Variants in GSTO2 observed in about 807,000 individuals in gnomAD.
GSTO2 encodes the protein glutathione S-transferase omega-2.
Under a neutral mutation model 28.4 loss-of-function variants are expected in GSTO2, and 23 were observed. The ratio of observed to expected loss-of-function variants is 0.81; its 90% CI spans 0.58 to 1.15. The LOEUF (loss-of-function observed/expected upper bound fraction) is 1.15, where lower values mean the gene tolerates loss of function less well. GSTO2 is among the 50% of genes most tolerant of loss of function. The pLI is 0.00. For missense variants in GSTO2, 298 were observed against 297.8 expected (o/e 1.00, Z 0.00); for synonymous variants, 109 against 111.0 (o/e 0.98, Z 0.11).
At chr10:104,293,446 A>G (rs1488744097) in intron 5 of GSTO2, among the ~76,000 whole-genome samples, 1 of 151,858 alleles carries the variant, frequency 6.6e-6, no homozygotes, top group Non-Finnish European at 1.5e-5. Flanking sequence ...TATTTATTTT[A>G]AGATGGGGTC....
At chr10:104,291,283 CCA>C (rs2012752550) in intron 5 of GSTO2, 1 of 152,228 alleles carries the variant, frequency 6.6e-6, no homozygotes, top group Admixed American at 6.5e-5. Context: ...CTGGGAGCCA[CCA>C]CACTGTTTCG....
chr10:104,283,204 A>C (rs1213930064), intron 5 of GSTO2, among the ~76,000 whole-genome samples: 1 of 152,224 alleles, frequency 6.6e-6, no homozygotes, highest in African/African-American at 2.4e-5. Context: ...ACCAGCCTCT[A>C]TATAGGTAGC....
intron 5 of GSTO2, 56 bp downstream of exon 5, chr10:104,279,527 C>T (rs888331878): frequency 9.7e-6 from 12 of 1,236,706 alleles, no homozygotes; most frequent in Admixed American, 1.7e-5. Context: ...TAGGCAGGGT[C>T]GCTAACCTGG....
chr10:104,272,587 CTTTTTTTTTTTTTTTTTTTTTTTT>C lies in GSTO2; in HGVS notation c.-231-2077_-231-2054del, dbSNP rs768279768. 2.4e-3 allele frequency among the ~76,000 whole-genome samples: 120 copies of C among 49,308 alleles called. 1 individual carries two copies. The highest frequency in any genetic ancestry group is 4.1e-3 in the South Asian group (5 of 1,218). 32.3% of individuals were successfully genotyped at this position (49,308 alleles called of 152,430 possible). ...GAATCAAAATAGAACAGTTATGGGACTTTTTTTTTTTTTTTTTTTTTTTTTTTTTTTTTTTTTTTTTTTTGAGAC... is the reference window on the plus strand; with the variant it reads ...GAATCAAAATAGAACAGTTATGGGACTTTTTTTTTTTTTTTTTTTTGAGAC... On this transcript the variant is annotated intron_variant, in intron 1 of 6. Transcript: ENST00000338595.
chr10:104,287,821 T>A (rs115180531), intron 5 of GSTO2, among the ~76,000 whole-genome samples: 2,391 of 150,942 alleles, frequency 0.016, 58 homozygotes, highest in African/African-American at 0.055. Flanking sequence ...TGTGTTTGAT[T>A]TTTTTTTTAA....
At chr10:104,291,809 T>C (rs1283978019) in intron 5 of GSTO2, among the ~76,000 whole-genome samples, 2 of 152,220 alleles carry the variant, frequency 1.3e-5, no homozygotes, top group African/African-American at 2.4e-5. Context: ...AATTTTAAAA[T>C]AGATTTTTCT....
chr10:104,275,272 C>T lies in GSTO2; in HGVS notation c.81C>T (p.Tyr27=), dbSNP rs1252537534. The change falls in exon 3 of 7, where the codon TAC becomes TAT. Residue 27 remains tyrosine (Y), a synonymous_variant. Coordinates refer to ENST00000338595, the MANE Select transcript of GSTO2 (RefSeq NM_183239.2). The stretch of plus-strand genomic sequence containing the variant: ...TCCCGGAGGGGCTGATCCGCATCTA[C>T]AGCATGAGGTTCTGCCCCTATTCTC... ...GPVPEGLIRI[Y]SMRFCPYSHR... 4 of 1,613,976 alleles carry T rather than the reference C, an allele frequency of 2.5e-6. No homozygotes were observed. The highest frequency in any genetic ancestry group is 2.7e-5 in the African/African-American group (2 of 74,906).
intron 5 of GSTO2, among the ~76,000 whole-genome samples, chr10:104,284,825 C>T (rs900050145): frequency 7.2e-5 from 11 of 152,164 alleles, no homozygotes; most frequent in Non-Finnish European, 1.0e-4. Flanking sequence ...GGTCAGATTT[C>T]CTTGAGGCTT....
chr10:104,299,305 G>T lies in GSTO2; in HGVS notation c.*21G>T. ...GCTGAGTCTCACTGTCCACCCCTTCGCTGTCCAGAATTCCCCAGCTTGTTG... is the reference window on the plus strand; with the variant it reads ...GCTGAGTCTCACTGTCCACCCCTTCTCTGTCCAGAATTCCCCAGCTTGTTG... On this transcript the variant is annotated 3_prime_UTR_variant, in exon 7 of 7. Coordinates refer to ENST00000338595, the MANE Select transcript of GSTO2 (RefSeq NM_183239.2). 1 of 1,613,164 alleles carries T rather than the reference G, an allele frequency of 6.2e-7. No homozygotes were observed. The highest frequency in any genetic ancestry group is 8.5e-7 in the Non-Finnish European group (1 of 1,179,630).
rs565263141 is a variant in GSTO2 at position 104,271,813 on chromosome 10, T to C, written c.-232+2544T>C. ...GGAAAATCATCCTCTTCTGGCAAAG[T>C]AGAAAGGTGGATCCAGGAACCTTTT... On this transcript the variant is annotated intron_variant, in intron 1 of 6. Coordinates refer to ENST00000338595, the MANE Select transcript of GSTO2 (RefSeq NM_183239.2). Among the ~76,000 whole-genome samples the C allele has an allele frequency of 3.3e-5, 5 of 152,324 alleles. No individual in the cohort carries two copies. The South Asian group carries it at 1.0e-3, about 32-fold the overall frequency.
chr10:104,287,090 G>A (rs1380238403), intron 5 of GSTO2, among the ~76,000 whole-genome samples: 1 of 152,178 alleles, frequency 6.6e-6, no homozygotes, highest in Non-Finnish European at 1.5e-5. Flanking sequence ...GTTTTACTCT[G>A]TTGCCCAGGC....
At chr10:104,286,514 T>A (rs1187400327) in intron 5 of GSTO2, among the ~76,000 whole-genome samples, 1 of 152,254 alleles carries the variant, frequency 6.6e-6, no homozygotes, top group Non-Finnish European at 1.5e-5. Flanking sequence ...ATGGATAATG[T>A]TGCTGTGAAC....
Position 104,302,148 on chromosome 10 carries a change from A to C in GSTO2, c.*2864A>C, listed in dbSNP as rs1260993887. The C allele has an allele frequency of 6.6e-6, 1 of 152,182 alleles. No homozygotes were observed. The highest frequency in any genetic ancestry group is 1.5e-5 in the Non-Finnish European group (1 of 68,040). The allele number at this position is 152,182 out of a possible 1,614,324, so 9.4% of individuals were successfully genotyped here. On this transcript the variant is annotated 3_prime_UTR_variant, in exon 7 of 7. Transcript: ENST00000338595. ...GAAAAACTCCTTATAAAACCATTAG[A>C]TCTCATGAGAACTCACTCACTGTCA...
intron 1 of GSTO2, among the ~76,000 whole-genome samples, chr10:104,273,816 A>G (rs11191985): frequency 0.074 from 11,276 of 152,226 alleles, 1,404 homozygotes; most frequent in African/African-American, 0.26. Flanking sequence ...TGAAAAGTAG[A>G]AATAATATGA....
chr10:104,282,191 A>G (rs1409858033), intron 5 of GSTO2, among the ~76,000 whole-genome samples: 4 of 145,858 alleles, frequency 2.7e-5, no homozygotes, highest in African/African-American at 1.0e-4. Context: ...GCGCCACTGC[A>G]CTCCAGCCTG....
At chr10:104,272,777 C>A (rs902750895) in intron 1 of GSTO2, among the ~76,000 whole-genome samples, 14 of 151,846 alleles carry the variant, frequency 9.2e-5, no homozygotes, top group Admixed American at 2.0e-4. Context: ...CCGCGCCCGG[C>A]TAATTTTTGT....
chr10:104,269,591 C>T (rs1295894030), intron 1 of GSTO2, among the ~76,000 whole-genome samples: 7 of 152,168 alleles, frequency 4.6e-5, no homozygotes, highest in Admixed American at 4.6e-4. Flanking sequence ...TGGGACACCA[C>T]GAGTCCCACG....
intron 3 of GSTO2, among the ~76,000 whole-genome samples, chr10:104,276,620 T>C (rs555778691): frequency 1.3e-5 from 2 of 152,294 alleles, no homozygotes; most frequent in South Asian, 2.1e-4. Context: ...AAAAATCACT[T>C]CTAGTCGAGA....
Position 104,293,563 on chromosome 10 carries a change from ATT to A in GSTO2, c.469-3994_469-3993del, listed in dbSNP as rs397787244. On this transcript the variant is annotated intron_variant, in intron 5 of 6. Transcript: ENST00000338595. Reference sequence around the variant, plus strand: ...AGGCATGAGCCACTGCGCCTGGCCAATTTTTTTTTTTTTTTTTTTTTTGCGAC... The same window carrying A: ...AGGCATGAGCCACTGCGCCTGGCCAATTTTTTTTTTTTTTTTTTTTGCGAC... Among the ~76,000 whole-genome samples, 72 of 81,622 alleles carry A rather than the reference ATT, an allele frequency of 8.8e-4. 2 individuals carry two copies. The highest frequency in any genetic ancestry group is 1.5e-3 in the African/African-American group (24 of 16,246). 53.5% of individuals were successfully genotyped at this position (81,622 alleles called of 152,430 possible). A position where few individuals can be genotyped will look rare whatever the true frequency, so the allele number is the denominator to read the frequency against.
Sources: gnomAD v4.1 joint callset for allele counts (sites outside exome capture counted in the v4.1 genomes callset) on GRCh38, gnomAD v4.1.1 for gene constraint, MANE v1.5 for transcripts, NCBI Gene and HGNC (gene_info 2026-07-23, HGNC 2026-07-21) for gene names.